KCNIP4: variants seen among roughly 807,000 people sequenced by gnomAD.
The protein encoded by KCNIP4 is potassium voltage-gated channel interacting protein 4.
KCNIP4 carries 12 observed loss-of-function variants against 34.0 expected under a neutral mutation model. That is an observed-to-expected ratio of 0.35 (90% CI 0.23 to 0.57). The LOEUF (loss-of-function observed/expected upper bound fraction) is 0.57, where lower values mean the gene tolerates loss of function less well. Ranked by LOEUF, KCNIP4 falls within the 20% of genes least tolerant of loss-of-function variation. The pLI is 0.83. For synonymous variants in KCNIP4, 124 were observed against 102.2 expected, an observed-to-expected ratio of 1.21 and a Z score of -1.29; for missense variants, 238 against 311.7, an observed-to-expected ratio of 0.76 and a Z score of 1.78.
At chr4:20,808,503 A>T (rs1304932311) in intron 3 of KCNIP4, among the ~76,000 whole-genome samples, 4 of 152,188 alleles carry the variant, frequency 2.6e-5, no homozygotes, top group African/African-American at 9.7e-5. Flanking sequence ...AAAGAACATA[A>T]TTATTCATAA....
chr4:21,191,617 C>T (rs1004020651), intron 1 of KCNIP4, among the ~76,000 whole-genome samples: 2 of 152,174 alleles, frequency 1.3e-5, no homozygotes, highest in Non-Finnish European at 2.9e-5. Flanking sequence ...ATGGTCGGTG[C>T]ACCTAATCAT....
chr4:21,797,208 C>T (rs934009459), intron 1 of KCNIP4, among the ~76,000 whole-genome samples: 10 of 152,304 alleles, frequency 6.6e-5, no homozygotes, highest in Admixed American at 3.9e-4. Flanking sequence ...AGTGCAGTGG[C>T]GTGATCATAG....
intron 1 of KCNIP4, among the ~76,000 whole-genome samples, chr4:21,051,060 T>C (rs1577600172): frequency 1.3e-5 from 2 of 152,194 alleles, no homozygotes; most frequent in East Asian, 1.9e-4. Context: ...TGAATTGTAA[T>C]TGTTTCTAGG....
At chr4:21,310,316 G>A (rs1413622710) in intron 1 of KCNIP4, among the ~76,000 whole-genome samples, 3 of 152,002 alleles carry the variant, frequency 2.0e-5, no homozygotes, top group Non-Finnish European at 4.4e-5. Context: ...GACTACAGGT[G>A]TAAGCCACCA....
intron 1 of KCNIP4, among the ~76,000 whole-genome samples, chr4:21,074,747 T>G (rs1745319547): frequency 6.6e-6 from 1 of 152,228 alleles, no homozygotes; most frequent in African/African-American, 2.4e-5. Context: ...CAATTTTGGA[T>G]CTTTCCTGCT....
At position 20,989,931 on chromosome 4, in the gene KCNIP4, T is replaced by C. The variant is rs375114548; in HGVS notation, c.62-107222A>G. Among the ~76,000 whole-genome samples the C allele has an allele frequency of 2.0e-5, 3 of 152,246 alleles. No homozygotes were observed. The East Asian group carries it at 5.8e-4, about 29-fold the overall frequency. On this transcript the variant is annotated intron_variant, in intron 1 of 8. Coordinates refer to ENST00000382152, the MANE Select transcript of KCNIP4 (RefSeq NM_025221.6). ...CTGCCCGTGCCACTGCACTCCAGCC[T>C]GGGCAACAGAATGAGACCCTGTCTC...
At chr4:21,797,363 T>C (rs73256559) in intron 1 of KCNIP4, among the ~76,000 whole-genome samples, 52,608 of 152,006 alleles carry the variant, frequency 0.35, 10,792 homozygotes, top group Non-Finnish European at 0.48. Context: ...TAGGTTGGTC[T>C]TGAATTCCTG....
chr4:20,895,633 C>T (rs1457984122), intron 1 of KCNIP4, among the ~76,000 whole-genome samples: 1 of 152,118 alleles, frequency 6.6e-6, no homozygotes, highest in Non-Finnish European at 1.5e-5. Flanking sequence ...CAATAAAAGT[C>T]TTTATTCATT....
At chr4:20,943,299 G>A (rs1278422871) in intron 1 of KCNIP4, among the ~76,000 whole-genome samples, 3 of 152,152 alleles carry the variant, frequency 2.0e-5, no homozygotes, top group Non-Finnish European at 4.4e-5. Context: ...AATGCTCTTA[G>A]AAAGCAGCAG....
chr4:21,751,476 C>T (rs1391146715), intron 1 of KCNIP4, among the ~76,000 whole-genome samples: 6 of 152,190 alleles, frequency 3.9e-5, no homozygotes, highest in Non-Finnish European at 8.8e-5. Context: ...GTCTAATATT[C>T]ATTTTAAAAT....
chr4:20,793,903 C>G (rs1713104925), intron 3 of KCNIP4, among the ~76,000 whole-genome samples: 1 of 152,046 alleles, frequency 6.6e-6, no homozygotes, highest in African/African-American at 2.4e-5. Context: ...TGAACTGTAA[C>G]TCCCACAATT....
intron 1 of KCNIP4, among the ~76,000 whole-genome samples, chr4:21,252,754 C>G (rs867480452): frequency 3.2e-5 from 4 of 126,222 alleles, no homozygotes; most frequent in African/African-American, 1.3e-4. Context: ...TTGGCAAATC[C>G]TCTTTTTTTT....
At chr4:21,938,551 G>A (rs1246872276) in intron 1 of KCNIP4, among the ~76,000 whole-genome samples, 2 of 152,094 alleles carry the variant, frequency 1.3e-5, no homozygotes, top group African/African-American at 4.8e-5. Flanking sequence ...ACACGATTCT[G>A]TATTATACAC....
At chr4:21,507,477 G>A (rs921325522) in intron 1 of KCNIP4, among the ~76,000 whole-genome samples, 6 of 151,926 alleles carry the variant, frequency 3.9e-5, no homozygotes, top group African/African-American at 1.5e-4. Flanking sequence ...GGCTGGTCTC[G>A]AACTCCTGAG....
chr4:21,794,304 G>A (rs150087749), intron 1 of KCNIP4, among the ~76,000 whole-genome samples: 64 of 152,144 alleles, frequency 4.2e-4, no homozygotes, highest in African/African-American at 1.5e-3. Flanking sequence ...TATACCACAG[G>A]GGAAGATAAC....
intron 1 of KCNIP4, among the ~76,000 whole-genome samples, chr4:21,537,593 G>T (rs987495588): frequency 6.6e-6 from 1 of 152,088 alleles, no homozygotes; most frequent in East Asian, 1.9e-4. Flanking sequence ...TGTCTACTTG[G>T]AATTTGTGAA....
At chr4:21,625,377 T>A (rs1249766374) in intron 1 of KCNIP4, among the ~76,000 whole-genome samples, 1 of 152,116 alleles carries the variant, frequency 6.6e-6, no homozygotes, top group Non-Finnish European at 1.5e-5. Context: ...TTTATAATTA[T>A]CCCATTTGTA....
Position 21,637,989 on chromosome 4 carries a change from G to T in KCNIP4, c.61+310582C>A, listed in dbSNP as rs187065292. Among the ~76,000 whole-genome samples, 89 of 152,128 alleles carry T rather than the reference G, an allele frequency of 5.9e-4. No individual in the cohort carries two copies. In the East Asian group the frequency reaches 0.011, roughly 19 times the overall value. Reference sequence around the variant, plus strand: ...TCCTCTACAGGAATGGGGCAGGGGGGAGAAAAACAGTAAAATTCACACTTT... The same window carrying T: ...TCCTCTACAGGAATGGGGCAGGGGGTAGAAAAACAGTAAAATTCACACTTT... On this transcript the variant is annotated intron_variant, in intron 1 of 8. Transcript: ENST00000382152.
At chr4:21,042,567 A>G (rs1476129242) in intron 1 of KCNIP4, among the ~76,000 whole-genome samples, 1 of 152,180 alleles carries the variant, frequency 6.6e-6, no homozygotes, top group East Asian at 1.9e-4. Context: ...CACTTGGTCA[A>G]TGGCTACGAA....
Sources: allele counts gnomAD v4.1 joint callset (sites outside exome capture counted in the v4.1 genomes callset), GRCh38; gene constraint gnomAD v4.1.1; transcripts MANE v1.5; gene names NCBI Gene and HGNC (gene_info 2026-07-23, HGNC 2026-07-21).